Variants in CMIP observed in about 807,000 individuals in gnomAD.
The protein encoded by CMIP is c-Maf inducing protein, also known as C-Maf-inducing protein.
Under a neutral mutation model 97.3 loss-of-function variants are expected in CMIP, and 13 were observed. That is an observed-to-expected ratio of 0.13 (90% CI 0.09 to 0.21). The LOEUF (loss-of-function observed/expected upper bound fraction) is 0.21. Among genes scored for constraint, CMIP ranks in the 10% least tolerant of loss-of-function variants. The pLI is 1.00. For missense variants in CMIP, 847 were observed against 1,024.9 expected (o/e 0.83, Z 2.37); for synonymous variants, 538 against 436.3 (o/e 1.23, Z -2.91).
intron 1 of CMIP, among the ~76,000 whole-genome samples, chr16:81,472,766 A>G (rs1907636277): frequency 6.6e-6 from 1 of 152,044 alleles, no homozygotes; most frequent in African/African-American, 2.4e-5. Context: ...GGCCGTTGGG[A>G]TGGTGAGTGC....
In CMIP at chr16:81,576,694, C is replaced by T. The variant is rs554814708; in HGVS notation, c.301-30873C>T. Among the ~76,000 whole-genome samples, 52 of 152,172 alleles carry T rather than the reference C, an allele frequency of 3.4e-4. No homozygotes were observed. In the South Asian group the frequency reaches 0.01, roughly 30 times the overall value. Reference sequence around the variant, plus strand: ...GTGTACTTGCTGCAGAATGATGTCTCCTAAGCCTAGTGCAGAACAGTGCTG... The same window carrying T: ...GTGTACTTGCTGCAGAATGATGTCTTCTAAGCCTAGTGCAGAACAGTGCTG... On this transcript the variant is annotated intron_variant, in intron 1 of 20. Coordinates refer to ENST00000537098, the MANE Select transcript of CMIP (RefSeq NM_198390.3).
At chr16:81,699,041 C>G (rs745939121) in intron 14 of CMIP, among the ~76,000 whole-genome samples, 1 of 152,170 alleles carries the variant, frequency 6.6e-6, no homozygotes, top group Non-Finnish European at 1.5e-5. Flanking sequence ...CACTTGAGTT[C>G]AGGAATTCAA....
At chr16:81,681,931 T>A (rs1904910251) in intron 10 of CMIP, among the ~76,000 whole-genome samples, 1 of 152,130 alleles carries the variant, frequency 6.6e-6, no homozygotes. Flanking sequence ...GTTGTCAGCC[T>A]GGTGCGGTGG....
chr16:81,697,511 C>T (rs1286066463), intron 14 of CMIP: 1 of 152,282 alleles, frequency 6.6e-6, no homozygotes, highest in Non-Finnish European at 1.5e-5. Context: ...CTTCCAGTCG[C>T]AGCTCTGCTG....
chr16:81,577,950 C>G, intron 1 of CMIP, among the ~76,000 whole-genome samples: 1 of 151,808 alleles, frequency 6.6e-6, no homozygotes, highest in East Asian at 1.9e-4. Context: ...TCACCACCAT[C>G]ATCCCCATTA....
At chr16:81,532,144 A>G (rs4888153) in intron 1 of CMIP, among the ~76,000 whole-genome samples, 35,013 of 152,148 alleles carry the variant, frequency 0.23, 4,207 homozygotes, top group East Asian at 0.4. Context: ...CAAGGTGCCC[A>G]GGTCCGAAGT....
At chr16:81,552,138 G>A (rs761650053) in intron 1 of CMIP, among the ~76,000 whole-genome samples, 2 of 152,100 alleles carry the variant, frequency 1.3e-5, no homozygotes, top group South Asian at 2.1e-4. Context: ...GTTGTGTAGC[G>A]GTGGCCTGGC....
intron 1 of CMIP, among the ~76,000 whole-genome samples, chr16:81,449,027 C>T (rs559472486): frequency 2.6e-5 from 4 of 152,230 alleles, no homozygotes; most frequent in African/African-American, 7.2e-5. Context: ...TTGCTGCTCT[C>T]GTCTGTGGGT....
intron 1 of CMIP, among the ~76,000 whole-genome samples, chr16:81,589,309 C>G (rs115097811): frequency 0.01 from 1,523 of 152,192 alleles, 29 homozygotes; most frequent in African/African-American, 0.034. Context: ...GTTACCCTGG[C>G]TGGTCTCGAA....
intron 5 of CMIP, 142 bp downstream of exon 5, chr16:81,657,958 G>A (rs963620226): frequency 4.7e-6 from 3 of 641,630 alleles, no homozygotes; most frequent in South Asian, 2.1e-5. Context: ...CTAGCAAGCC[G>A]GACGCACCTC....
intron 1 of CMIP, among the ~76,000 whole-genome samples, chr16:81,548,046 C>G (rs979719760): frequency 1.3e-5 from 2 of 151,984 alleles, no homozygotes; most frequent in African/African-American, 2.4e-5. Context: ...TGGCATTTAT[C>G]TAGGGCTTAC....
intron 1 of CMIP, among the ~76,000 whole-genome samples, chr16:81,586,643 AT>A (rs1290897205): frequency 6.6e-6 from 1 of 152,104 alleles, no homozygotes; most frequent in Non-Finnish European, 1.5e-5. Context: ...TCTCTGCCCA[AT>A]AAACTCCTAT....
chr16:81,478,365 G>C (rs1908057465), intron 1 of CMIP, among the ~76,000 whole-genome samples: 1 of 152,178 alleles, frequency 6.6e-6, no homozygotes, highest in Non-Finnish European at 1.5e-5. Flanking sequence ...GCAGCTCCTG[G>C]GAAGGGGTTG....
At chr16:81,637,614 G>A (rs1053995171) in intron 3 of CMIP, among the ~76,000 whole-genome samples, 19 of 137,560 alleles carry the variant, frequency 1.4e-4, no homozygotes, top group Admixed American at 1.0e-3. Context: ...AGATCTGCCC[G>A]ACTCTCCGTT....
At chr16:81,696,506 C>T (rs993606509) in intron 13 of CMIP, 54 bp from the exon 14 acceptor site, 12 of 1,541,226 alleles carry the variant, frequency 7.8e-6, no homozygotes, top group Non-Finnish European at 1.1e-5. Flanking sequence ...TCATGGTCGC[C>T]CTTGTCACCG....
intron 1 of CMIP, among the ~76,000 whole-genome samples, chr16:81,597,059 A>G (rs538402491): frequency 2.7e-4 from 41 of 152,244 alleles, no homozygotes; most frequent in African/African-American, 7.9e-4. Context: ...TCTTCTCTTG[A>G]TGGTCATTTG....
chr16:81,445,081 C>T lies in CMIP; in HGVS notation c.-161C>T, dbSNP rs1281810499. On this transcript the variant is annotated 5_prime_UTR_variant, in exon 1 of 21. Transcript: ENST00000537098. ...CCAGCCCGCCGCACGCGCCGCCCCC[C>T]GCGGGCAGCGCCCCCTCCCCTGCGG... 5.8e-4 allele frequency: 156 copies of T among 268,922 alleles called. 1 individual carries two copies. In the East Asian group the frequency reaches 9.7e-3, roughly 17 times the overall value. The allele number at this position is 268,922 out of a possible 1,614,324, so 16.7% of individuals were successfully genotyped here.
At chr16:81,662,043 C>T (rs1215896963) in intron 6 of CMIP, among the ~76,000 whole-genome samples, 1 of 152,122 alleles carries the variant, frequency 6.6e-6, no homozygotes, top group East Asian at 1.9e-4. Flanking sequence ...GCCCCGGGCT[C>T]CTCAGGACAC....
intron 1 of CMIP, among the ~76,000 whole-genome samples, chr16:81,489,716 G>A (rs747462978): frequency 4.6e-5 from 7 of 152,182 alleles, no homozygotes; most frequent in Admixed American, 2.6e-4. Context: ...GCCCAGGCTC[G>A]TTCAGGGAGG....
Sources: allele counts gnomAD v4.1 joint callset (sites outside exome capture counted in the v4.1 genomes callset), GRCh38; gene constraint gnomAD v4.1.1; transcripts MANE v1.5; gene names NCBI Gene and HGNC (gene_info 2026-07-23, HGNC 2026-07-21).